The following PRDM5 variants were observed in gnomAD, a reference collection of about 807,000 sequenced individuals.
PRDM5 encodes PR/SET domain 5.
A neutral mutation model predicts 81.2 loss-of-function variants in PRDM5; 56 were observed. That is an observed-to-expected ratio of 0.69 (90% CI 0.56 to 0.86). The LOEUF (loss-of-function observed/expected upper bound fraction) is 0.86. PRDM5 is among the 40% of genes least tolerant of loss of function. PRDM5 has a pLI of 0.00. For missense variants in PRDM5, 697 were observed against 770.1 expected, an observed-to-expected ratio of 0.91 and a Z score of 1.12; for synonymous variants, 267 against 256.4, an observed-to-expected ratio of 1.04 and a Z score of -0.39.
At chr4:120,921,775 C>T (rs569697069) in intron 1 of PRDM5, among the ~76,000 whole-genome samples, 3 of 152,250 alleles carry the variant, frequency 2.0e-5, no homozygotes, top group African/African-American at 7.2e-5. Context: ...ACTTTCAGGC[C>T]CTTCCTGTAC....
intron 12 of PRDM5, among the ~76,000 whole-genome samples, chr4:120,778,000 T>C (rs1036118404): frequency 3.3e-5 from 5 of 152,144 alleles, no homozygotes; most frequent in Admixed American, 6.6e-5. Context: ...ACAGTCTCAT[T>C]AGGAGACCAG....
intron 14 of PRDM5, among the ~76,000 whole-genome samples, chr4:120,724,860 A>C (rs1739158892): frequency 6.6e-6 from 1 of 152,208 alleles, no homozygotes. Flanking sequence ...AAACAAAACC[A>C]TCAAGGAGCG....
At chr4:120,886,146 A>G (rs1166373846) in intron 2 of PRDM5, among the ~76,000 whole-genome samples, 1 of 152,212 alleles carries the variant, frequency 6.6e-6, no homozygotes, top group African/African-American at 2.4e-5. Flanking sequence ...CCAGCATTCT[A>G]TAAGGCTTCA....
chr4:120,757,640 T>A (rs923306788), intron 13 of PRDM5, among the ~76,000 whole-genome samples: 1 of 152,150 alleles, frequency 6.6e-6, no homozygotes, highest in Non-Finnish European at 1.5e-5. Context: ...TCCAATCCAT[T>A]GAGGACCCGG....
At chr4:120,828,039 G>T (rs1756237327) in intron 3 of PRDM5, among the ~76,000 whole-genome samples, 1 of 151,936 alleles carries the variant, frequency 6.6e-6, no homozygotes, top group Admixed American at 6.6e-5. Context: ...CATGTACTTT[G>T]TCTCATCTTA....
chr4:120,882,315 T>C (rs1281271530), intron 2 of PRDM5, among the ~76,000 whole-genome samples: 1 of 152,128 alleles, frequency 6.6e-6, no homozygotes, highest in Non-Finnish European at 1.5e-5. Flanking sequence ...ACCCAGCTAA[T>C]TTTTGTATTT....
chr4:120,710,167 CA>C, intron 15 of PRDM5, 141 bp downstream of exon 15: 3 of 720,036 alleles, frequency 4.2e-6, no homozygotes, highest in Non-Finnish European at 7.4e-6. Context: ...CTATAAATAG[CA>C]TAAGACATTA....
intron 3 of PRDM5, among the ~76,000 whole-genome samples, chr4:120,851,093 C>T (rs1157060555): frequency 6.6e-6 from 1 of 152,056 alleles, no homozygotes; most frequent in Non-Finnish European, 1.5e-5. Context: ...TCACATAACA[C>T]TTTGTAAGTT....
chr4:120,873,472 G>A (rs1350790846), intron 2 of PRDM5, among the ~76,000 whole-genome samples: 2 of 152,144 alleles, frequency 1.3e-5, no homozygotes, highest in Non-Finnish European at 2.9e-5. Context: ...CAACACTCCG[G>A]CTATAAGTGG....
intron 13 of PRDM5, among the ~76,000 whole-genome samples, chr4:120,758,307 T>C (rs1365992500): frequency 6.6e-6 from 1 of 152,150 alleles, no homozygotes; most frequent in African/African-American, 2.4e-5. Context: ...AGTGTCTCAA[T>C]TGGGACAATA....
At chr4:120,880,238 T>C (rs1158931254) in intron 2 of PRDM5, among the ~76,000 whole-genome samples, 1 of 152,156 alleles carries the variant, frequency 6.6e-6, no homozygotes, top group Non-Finnish European at 1.5e-5. Flanking sequence ...AATCAACTGC[T>C]AAATGTCACA....
chr4:120,843,353 T>C (rs752908119), intron 3 of PRDM5, among the ~76,000 whole-genome samples: 5 of 151,290 alleles, frequency 3.3e-5, no homozygotes, highest in Admixed American at 6.6e-5. Flanking sequence ...AATTAATTAA[T>C]TAATTTAATT....
At chr4:120,728,194 T>C (rs575092122) in intron 14 of PRDM5, among the ~76,000 whole-genome samples, 1 of 151,958 alleles carries the variant, frequency 6.6e-6, no homozygotes, top group Non-Finnish European at 1.5e-5. Flanking sequence ...TATTCATCTG[T>C]TAGAATCTAG....
chr4:120,757,885 C>CCTTCTCCTTCTCCTT (rs141417628), intron 13 of PRDM5, among the ~76,000 whole-genome samples: 1 of 150,984 alleles, frequency 6.6e-6, no homozygotes, highest in East Asian at 1.9e-4. Context: ...CTTCTCTTCT[C>CCTTCTCCTTCTCCTT]CTTCTTCTTC....
intron 13 of PRDM5, among the ~76,000 whole-genome samples, chr4:120,772,045 G>A (rs1365174349): frequency 6.6e-6 from 1 of 152,104 alleles, no homozygotes; most frequent in Non-Finnish European, 1.5e-5. Context: ...CTAGTGGCAG[G>A]GGGCTAGGGT....
At chr4:120,857,674 C>CA (rs1760041842) in intron 2 of PRDM5, among the ~76,000 whole-genome samples, 1 of 151,962 alleles carries the variant, frequency 6.6e-6, no homozygotes, top group African/African-American at 2.4e-5. Flanking sequence ...GAGGAAACCA[C>CA]AAAAAATCTC....
At chr4:120,780,096 T>G (rs17051253) in intron 12 of PRDM5, among the ~76,000 whole-genome samples, 8,435 of 152,194 alleles carry the variant, frequency 0.055, 350 homozygotes, top group African/African-American at 0.12. Context: ...CAGGAGTTAT[T>G]TCTTCACATT....
chr4:120,867,662 T>G (rs1325593537), intron 2 of PRDM5, among the ~76,000 whole-genome samples: 2 of 152,254 alleles, frequency 1.3e-5, no homozygotes, highest in African/African-American at 4.8e-5. Context: ...AAAGGTATTA[T>G]GTAACTTTAG....
intron 3 of PRDM5, among the ~76,000 whole-genome samples, chr4:120,821,811 A>C (rs887131304): frequency 6.6e-6 from 1 of 152,104 alleles, no homozygotes; most frequent in Non-Finnish European, 1.5e-5. Context: ...CGTCCCCTGA[A>C]AGAATTTACT....
Sources: allele counts gnomAD v4.1 joint callset (sites outside exome capture counted in the v4.1 genomes callset), GRCh38; gene constraint gnomAD v4.1.1; transcripts MANE v1.5; gene names NCBI Gene and HGNC (gene_info 2026-07-23, HGNC 2026-07-21).